The following EYA4 variants were observed in gnomAD, a reference collection of about 807,000 sequenced individuals.
EYA4 encodes the protein protein phosphatase EYA4.
EYA4 carries 31 observed loss-of-function variants against 87.9 expected under a neutral mutation model. That is an observed-to-expected ratio of 0.35 (90% CI 0.27 to 0.48). The LOEUF (loss-of-function observed/expected upper bound fraction) is 0.48. EYA4 is among the 20% of genes least tolerant of loss of function. EYA4 has a pLI of 0.99. For missense variants in EYA4, 678 were observed against 761.4 expected (o/e 0.89, Z 1.29); for synonymous variants, 263 against 270.6 (o/e 0.97, Z 0.28).
intron 17 of EYA4, among the ~76,000 whole-genome samples, chr6:133,516,656 G>A (rs1404985176): frequency 2.0e-5 from 3 of 151,398 alleles, no homozygotes; most frequent in Non-Finnish European, 2.9e-5. Context: ...CCTGGGAGGC[G>A]GAGGTTACAC....
At chr6:133,495,833 A>T (rs571032774) in intron 13 of EYA4, among the ~76,000 whole-genome samples, 1 of 152,308 alleles carries the variant, frequency 6.6e-6, no homozygotes, top group East Asian at 1.9e-4. Context: ...TTTGGAACAA[A>T]TTTCCAGATA....
intron 2 of EYA4, among the ~76,000 whole-genome samples, chr6:133,293,972 C>CAT (rs1239093991): frequency 3.4e-5 from 2 of 58,982 alleles, no homozygotes; most frequent in Non-Finnish European, 5.5e-5. Flanking sequence ...TATTATTTTA[C>CAT]ATATATATAT....
At chr6:133,397,651 C>G (rs940552093) in intron 3 of EYA4, among the ~76,000 whole-genome samples, 3 of 152,050 alleles carry the variant, frequency 2.0e-5, no homozygotes, top group Non-Finnish European at 4.4e-5. Context: ...TGATATATCC[C>G]CATGTGTATT....
At position 133,275,386 on chromosome 6, in the gene EYA4, G is replaced by A. The variant is rs77248649; in HGVS notation, c.33+573G>A. On this transcript the variant is annotated intron_variant, in intron 2 of 19. Transcript: ENST00000355286. Reference sequence around the variant, plus strand: ...GTCTCTGTGACAGTAGTTCTTTAGCGTGTGGAACTAGAGGCAGTGGGAGGG... The same window carrying A: ...GTCTCTGTGACAGTAGTTCTTTAGCATGTGGAACTAGAGGCAGTGGGAGGG... Among the ~76,000 whole-genome samples, 4 of 152,130 alleles carry A rather than the reference G, an allele frequency of 2.6e-5. 1 individual carries two copies. Among genetic ancestry groups the A allele is most frequent in the South Asian group, 4.1e-4 (2 of 4,832 alleles).
rs71003632 is a variant in EYA4 at position 133,294,062 on chromosome 6, T to TATATATATAAAA, written c.33+19250_33+19251insTATATATAAAAA. Among the ~76,000 whole-genome samples the TATATATATAAAA allele has an allele frequency of 5.8e-4, 61 of 105,136 alleles. 2 individuals carry two copies. Among genetic ancestry groups the TATATATATAAAA allele is most frequent in the South Asian group, 9.8e-4 (3 of 3,046 alleles). The allele number at this position is 105,136 out of a possible 152,430, so 69.0% of individuals were successfully genotyped here. ...ATATATATATATATATATATATATA[T>TATATATATAAAA]AATTCTATTCTATATATAACATTCT... On this transcript the variant is annotated intron_variant, in intron 2 of 19. Transcript: ENST00000355286.
intron 2 of EYA4, among the ~76,000 whole-genome samples, chr6:133,304,021 G>A (rs955901632): frequency 6.6e-6 from 1 of 152,180 alleles, no homozygotes; most frequent in African/African-American, 2.4e-5. Flanking sequence ...TTCACATGCA[G>A]AAGGTTCAGA....
intron 2 of EYA4, among the ~76,000 whole-genome samples, chr6:133,294,899 C>T (rs891349858): frequency 6.6e-5 from 10 of 152,004 alleles, no homozygotes; most frequent in African/African-American, 2.4e-4. Context: ...CTTATTGAAA[C>T]GTAGATGTCA....
At chr6:133,341,391 A>G (rs200925107) in intron 2 of EYA4, among the ~76,000 whole-genome samples, 1 of 152,214 alleles carries the variant, frequency 6.6e-6, no homozygotes, top group East Asian at 1.9e-4. Flanking sequence ...CCATGTTCCA[A>G]ACACTTTGTA....
At chr6:133,255,630 G>T (rs1775278883) in intron 1 of EYA4, among the ~76,000 whole-genome samples, 1 of 151,854 alleles carries the variant, frequency 6.6e-6, no homozygotes, top group Non-Finnish European at 1.5e-5. Context: ...ATGTGTAAAT[G>T]TAATAACTAT....
intron 2 of EYA4, among the ~76,000 whole-genome samples, chr6:133,309,400 A>G (rs1368592931): frequency 6.6e-6 from 1 of 152,210 alleles, no homozygotes; most frequent in Non-Finnish European, 1.5e-5. Flanking sequence ...CTCTTAAAAT[A>G]TTCCATTTTA....
intron 5 of EYA4, among the ~76,000 whole-genome samples, chr6:133,452,279 GT>G (rs1402053998): frequency 6.6e-6 from 1 of 152,088 alleles, no homozygotes; most frequent in Non-Finnish European, 1.5e-5. Context: ...CATATATGTA[GT>G]TTTTTAAATG....
intron 2 of EYA4, among the ~76,000 whole-genome samples, chr6:133,321,684 T>G (rs1216001770): frequency 6.6e-6 from 1 of 152,216 alleles, no homozygotes; most frequent in Admixed American, 6.5e-5. Flanking sequence ...TCTGTGTGTT[T>G]TGGAATTTTG....
intron 3 of EYA4, among the ~76,000 whole-genome samples, chr6:133,391,287 T>C (rs1250335011): frequency 7.0e-6 from 1 of 143,166 alleles, no homozygotes; most frequent in Non-Finnish European, 1.5e-5. Context: ...TGGAGTGCAA[T>C]GGCATGATCT....
intron 2 of EYA4, among the ~76,000 whole-genome samples, chr6:133,290,767 G>A (rs1022728333): frequency 7.2e-5 from 11 of 152,132 alleles, no homozygotes; most frequent in African/African-American, 2.7e-4. Context: ...GACTGAAAGG[G>A]TTTAAGCAGA....
rs554239800 is a variant in EYA4 at position 133,409,547 on chromosome 6, A to G, written c.83+27106A>G. On this transcript the variant is annotated intron_variant, in intron 3 of 19. Transcript: ENST00000355286. ...CTTCCTCAGGGTAATTTAAATGGAT[A>G]TTTTAAAATAGAGGGCTATTAAGCT... Among the ~76,000 whole-genome samples the G allele has an allele frequency of 1.2e-4, 19 of 152,306 alleles. 1 individual carries two copies. In the East Asian group the frequency reaches 3.5e-3, roughly 28 times the overall value.
At chr6:133,433,829 C>T (rs1167961485) in intron 3 of EYA4, among the ~76,000 whole-genome samples, 1 of 152,204 alleles carries the variant, frequency 6.6e-6, no homozygotes, top group East Asian at 1.9e-4. Context: ...AAGCTGTTCA[C>T]TCGGGTCCCA....
chr6:133,498,794 G>A (rs182875306), intron 13 of EYA4, among the ~76,000 whole-genome samples: 75 of 152,248 alleles, frequency 4.9e-4, no homozygotes, highest in Middle Eastern at 6.8e-3. Flanking sequence ...GACATATCTC[G>A]AACTCTTCCC....
chr6:133,316,686 T>C (rs1386516596), intron 2 of EYA4, among the ~76,000 whole-genome samples: 1 of 152,232 alleles, frequency 6.6e-6, no homozygotes, highest in African/African-American at 2.4e-5. Flanking sequence ...CTCTCATTCA[T>C]GCCACACCAA....
At chr6:133,413,167 C>G (rs1270567864) in intron 3 of EYA4, among the ~76,000 whole-genome samples, 1 of 151,614 alleles carries the variant, frequency 6.6e-6, no homozygotes, top group African/African-American at 2.4e-5. Context: ...TTAATCCTGC[C>G]TGGAAATTAT....
Sources: gnomAD v4.1 joint callset for allele counts (sites outside exome capture counted in the v4.1 genomes callset) on GRCh38, gnomAD v4.1.1 for gene constraint, MANE v1.5 for transcripts, NCBI Gene and HGNC (gene_info 2026-07-23, HGNC 2026-07-21) for gene names.